NID1: variants seen among roughly 807,000 people sequenced by gnomAD.
NID1 encodes nidogen-1.
A neutral mutation model predicts 130.6 loss-of-function variants in NID1; 76 were observed. That is an observed-to-expected ratio of 0.58 (90% confidence interval 0.48 to 0.70). The LOEUF (loss-of-function observed/expected upper bound fraction) is 0.70. Among genes scored for constraint, NID1 ranks in the 30% least tolerant of loss-of-function variants. NID1 has a pLI of 0.00. For synonymous variants in NID1, 665 were observed against 675.1 expected, an observed-to-expected ratio of 0.98 and a Z score of 0.23; for missense variants, 1,517 against 1,664.8, an observed-to-expected ratio of 0.91 and a Z score of 1.54.
intron 12 of NID1, among the ~76,000 whole-genome samples, chr1:236,008,536 T>C (rs564491829): frequency 1.1e-3 from 164 of 152,326 alleles, no homozygotes; most frequent in Middle Eastern, 3.4e-3. Flanking sequence ...AGTCTTTCTC[T>C]GTCACCCAGG....
chr1:235,976,083 G>A lies in NID1; in HGVS notation c.*1784C>T, dbSNP rs1167787356. Reference sequence around the variant, plus strand: ...ATATGAAACGATAAATACAAAAAGTGAGACTAATTTATGGATTTGGGCTAC... The same window carrying A: ...ATATGAAACGATAAATACAAAAAGTAAGACTAATTTATGGATTTGGGCTAC... On this transcript the variant is annotated 3_prime_UTR_variant, in exon 20 of 20. Transcript: ENST00000264187. 6.6e-6 allele frequency: 1 copy of A among 152,338 alleles called. No individual in the cohort carries two copies. Among genetic ancestry groups the A allele is most frequent in the Non-Finnish European group, 1.5e-5 (1 of 68,042 alleles). 9.4% of individuals were successfully genotyped at this position (152,338 alleles called of 1,614,324 possible).
chr1:236,020,474 G>A (rs770898063), intron 9 of NID1, among the ~76,000 whole-genome samples: 6 of 152,136 alleles, frequency 3.9e-5, no homozygotes, highest in Non-Finnish European at 7.3e-5. Context: ...ATCTCTACGG[G>A]CTCTAAATTG....
intron 1 of NID1, among the ~76,000 whole-genome samples, chr1:236,050,575 T>G (rs1484771664): frequency 6.6e-6 from 1 of 150,906 alleles, no homozygotes; most frequent in Admixed American, 6.6e-5. Flanking sequence ...AAGATATCAC[T>G]GTTCTTACTC....
intron 9 of NID1, among the ~76,000 whole-genome samples, chr1:236,022,106 CA>C (rs1270203357): frequency 1.3e-5 from 2 of 151,674 alleles, no homozygotes; most frequent in Non-Finnish European, 2.9e-5. Flanking sequence ...CCCATCTCTA[CA>C]AAAAATACAA....
Position 235,980,537 on chromosome 1 carries a change from G to A in NID1, c.3344C>T (p.Thr1115Ile). Residue 1115 changes from threonine (T) to isoleucine (I), a missense_variant, in exon 17 of 20, where the codon ACC becomes ATC. Around this residue, in one of 3 missense-constraint regions of NID1, gnomAD observed 181 missense variants for 211.3 expected, o/e 0.86. Coordinates refer to ENST00000264187, the MANE Select transcript of NID1 (RefSeq NM_002508.3). ...QDDLGLPNGLTFDAFSSQLCW... is the reference protein window; with the variant it reads ...QDDLGLPNGLIFDAFSSQLCW... The stretch of plus-strand genomic sequence containing the variant: ...GAGCTGAGATGAGAACGCATCGAAG[G>A]TCAGTCCATTGGGCAAGCCCAGGTC... 2 of 1,614,180 alleles carry A rather than the reference G, an allele frequency of 1.2e-6. No individual in the cohort carries two copies. The highest frequency in any genetic ancestry group is 2.2e-5 in the East Asian group (1 of 44,876).
chr1:235,993,926 T>A (rs1657842138), intron 12 of NID1, 54 bp from the exon 13 acceptor site: 1 of 1,530,224 alleles, frequency 6.5e-7, no homozygotes, highest in Non-Finnish European at 8.9e-7. Context: ...CCGTCAGCGC[T>A]CCCTGGCGGG....
rs1657260960 is a variant in NID1 at position 235,976,597 on chromosome 1, GGGAA to G, written c.*1266_*1269del. ...AAAATTTCTATTGTTTTAGGACTCT[GGGAA>G]GCAGTTGATAAAAAGATAACACGAG... On this transcript the variant is annotated 3_prime_UTR_variant, in exon 20 of 20. Transcript: ENST00000264187. 1 of 152,076 alleles carries G rather than the reference GGGAA, an allele frequency of 6.6e-6. No homozygotes were observed. The highest frequency in any genetic ancestry group is 2.4e-5 in the African/African-American group (1 of 41,406). The allele number at this position is 152,076 out of a possible 1,614,324, so 9.4% of individuals were successfully genotyped here.
intron 16 of NID1, among the ~76,000 whole-genome samples, chr1:235,980,983 C>T (rs1168692441): frequency 6.6e-6 from 1 of 152,094 alleles, no homozygotes; most frequent in African/African-American, 2.4e-5. Flanking sequence ...TGCATGAGGC[C>T]CACATGGAGG....
At chr1:236,033,097 C>T (rs1244566445) in intron 5 of NID1, among the ~76,000 whole-genome samples, 2 of 152,162 alleles carry the variant, frequency 1.3e-5, no homozygotes, top group Non-Finnish European at 2.9e-5. Flanking sequence ...CACCTGAGGT[C>T]AGGAGTTCAA....
In NID1 at chr1:235,985,395, G is replaced by A; in HGVS notation, c.3039C>T (p.Thr1013=). The A allele has an allele frequency of 6.2e-7, 1 of 1,614,106 alleles. No homozygotes were observed. Among genetic ancestry groups the A allele is most frequent in the Non-Finnish European group, 8.5e-7 (1 of 1,179,980 alleles). The change falls in exon 15 of 20, where the codon ACC becomes ACT. Residue 1013 remains threonine (T), a synonymous_variant. Transcript: ENST00000264187. ...GRASLHGGEP[T]TIIRQDLGSP... is the part of the protein sequence containing the mutation. ...CTTACTTACCTTGTCTAATGATGGT[G>A]GTTGGCTCTCCACCATGTAGACTAG...
At position 236,040,910 on chromosome 1, in the gene NID1, C is replaced by A. The variant is rs376360843; in HGVS notation, c.1135+1000G>T. On this transcript the variant is annotated intron_variant, in intron 4 of 19. Transcript: ENST00000264187. ...CAACTCCTGACCTCAGGTGATGCAC[C>A]CGCCTTGGCCTCCCAAAGTGCTGGG... 4.9e-4 allele frequency among the ~76,000 whole-genome samples: 75 copies of A among 152,252 alleles called. 1 individual carries two copies. The Middle Eastern group carries it at 0.014, about 28-fold the overall frequency.
At chr1:235,990,463 C>T (rs766488924) in intron 14 of NID1, among the ~76,000 whole-genome samples, 12 of 152,202 alleles carry the variant, frequency 7.9e-5, no homozygotes, top group Admixed American at 6.5e-5. Flanking sequence ...GTAGTGGAAG[C>T]CTGCAGGTCT....
In NID1 at chr1:236,004,930, C is replaced by T. The variant is rs867540680; in HGVS notation, c.2527+6991G>A. Among the ~76,000 whole-genome samples, 8 of 152,140 alleles carry T rather than the reference C, an allele frequency of 5.3e-5. 1 individual carries two copies. The highest frequency in any genetic ancestry group is 3.4e-3 in the Middle Eastern group (1 of 294). On this transcript the variant is annotated intron_variant, in intron 12 of 19. Transcript: ENST00000264187. The stretch of plus-strand genomic sequence containing the variant: ...GTGGCTCACGCCTGTAATCCCAACA[C>T]TTTGGGAGGCTGAGGTGGGCAAATC...
intron 1 of NID1, among the ~76,000 whole-genome samples, chr1:236,049,622 G>C (rs1040968114): frequency 1.3e-5 from 2 of 152,190 alleles, no homozygotes; most frequent in African/African-American, 4.8e-5. Context: ...TCTGTATGGG[G>C]CATTATGGTA....
intron 12 of NID1, among the ~76,000 whole-genome samples, chr1:236,005,888 A>C (rs1430608702): frequency 1.3e-5 from 2 of 152,218 alleles, no homozygotes; most frequent in South Asian, 2.1e-4. Flanking sequence ...TTCTTTAACT[A>C]AAGTAACAGG....
chr1:236,059,495 C>T (rs1303768616), intron 1 of NID1, among the ~76,000 whole-genome samples: 1 of 152,072 alleles, frequency 6.6e-6, no homozygotes, highest in African/African-American at 2.4e-5. Context: ...AGATTAATAC[C>T]ATTTTCATTC....
At chr1:236,005,414 C>G (rs1658220824) in intron 12 of NID1, among the ~76,000 whole-genome samples, 1 of 152,072 alleles carries the variant, frequency 6.6e-6, no homozygotes, top group African/African-American at 2.4e-5. Context: ...TTGTAAGACA[C>G]AACTCTCAAG....
chr1:236,025,242 A>G (rs1246917075), intron 8 of NID1, among the ~76,000 whole-genome samples: 1 of 143,118 alleles, frequency 7.0e-6, no homozygotes, highest in Non-Finnish European at 1.5e-5. Context: ...ATGAGCCACC[A>G]TGCTCGGCCC....
At chr1:235,994,410 C>T (rs1208815496) in intron 12 of NID1, among the ~76,000 whole-genome samples, 3 of 152,252 alleles carry the variant, frequency 2.0e-5, no homozygotes, top group Non-Finnish European at 2.9e-5. Flanking sequence ...GATCCGCCTG[C>T]CTCAGCCTCC....
Sources: allele counts gnomAD v4.1 joint callset (sites outside exome capture counted in the v4.1 genomes callset), GRCh38; gene constraint gnomAD v4.1.1; regional missense constraint gnomAD v4.1.1; transcripts MANE v1.5; gene names NCBI Gene and HGNC (gene_info 2026-07-23, HGNC 2026-07-21).